Variants in DNAH7 observed in about 807,000 individuals in gnomAD.
DNAH7 encodes the protein dynein axonemal heavy chain 7, also known as axonemal beta dynein heavy chain 7.
In DNAH7, 397 loss-of-function variants were observed where a neutral mutation model predicts 444.6. That is an observed-to-expected ratio of 0.89 (90% CI 0.82 to 0.97). DNAH7 has a LOEUF of 0.97. Ranked by LOEUF, DNAH7 falls within the 50% of genes least tolerant of loss-of-function variation. The pLI, the probability that DNAH7 is intolerant of heterozygous loss-of-function variation, is 0.00. For missense variants in DNAH7, 4,902 were observed against 4,800.8 expected (o/e 1.02, Z -0.62); for synonymous variants, 1,636 against 1,624.4 (o/e 1.01, Z -0.17).
Position 195,794,384 on chromosome 2 carries a change from A to G in DNAH7, c.10670T>C (p.Met3557Thr), listed in dbSNP as rs775627787. Residue 3557 changes from methionine (M) to threonine (T), a missense_variant, in exon 57 of 65, where the codon ATG (methionine) becomes ACG (threonine). Met to Thr is a moderately conservative substitution (Grantham distance 81). Coordinates refer to ENST00000312428, the MANE Select transcript of DNAH7 (RefSeq NM_018897.3). ...GAACTCCGGATCAGAGATCGGGTCC[A>G]TGAGGTATGATCGAATGATATTAGC... ...LRANIIRSYLMDPISDPEFFG... is the reference protein window; with the variant it reads ...LRANIIRSYLTDPISDPEFFG... 3 of 1,614,148 alleles carry G rather than the reference A, an allele frequency of 1.9e-6. No homozygotes were observed. Among genetic ancestry groups the G allele is most frequent in the South Asian group, 1.1e-5 (1 of 91,078 alleles).
chr2:195,907,585 T>C (rs1455829785), intron 25 of DNAH7, among the ~76,000 whole-genome samples: 1 of 152,170 alleles, frequency 6.6e-6, no homozygotes, highest in South Asian at 2.1e-4. Flanking sequence ...AAATATGTAC[T>C]GAACATACAT....
chr2:196,012,403 C>G (rs906230238), intron 10 of DNAH7, among the ~76,000 whole-genome samples: 2 of 152,054 alleles, frequency 1.3e-5, no homozygotes, highest in African/African-American at 4.8e-5. Flanking sequence ...TCTTTAAACT[C>G]TTCTGCTTTC....
intron 15 of DNAH7, among the ~76,000 whole-genome samples, chr2:195,975,147 A>G (rs1173800176): frequency 1.3e-5 from 2 of 152,312 alleles, no homozygotes; most frequent in South Asian, 2.1e-4. Flanking sequence ...CCAAACATCA[A>G]GTGAATGATC....
chr2:195,926,285 A>T, intron 22 of DNAH7, 141 bp downstream of exon 22: 2 of 747,318 alleles, frequency 2.7e-6, no homozygotes, highest in Non-Finnish European at 3.7e-6. Flanking sequence ...ATTTTTATTT[A>T]AAAAATCTGT....
chr2:195,968,666 C>G (rs1391126128), intron 17 of DNAH7, among the ~76,000 whole-genome samples: 1 of 152,192 alleles, frequency 6.6e-6, no homozygotes, highest in Non-Finnish European at 1.5e-5. Flanking sequence ...AGTTCACCAG[C>G]TCTAAGCCCA....
intron 38 of DNAH7, among the ~76,000 whole-genome samples, chr2:195,874,580 G>A (rs1307523168): frequency 3.3e-5 from 5 of 149,906 alleles, no homozygotes; most frequent in East Asian, 2.0e-4. Flanking sequence ...TGAGACCCAG[G>A]AGCAATATGG....
Position 195,910,018 on chromosome 2 carries a change from A to C in DNAH7, c.4104+9T>G. The C allele has an allele frequency of 6.2e-7, 1 of 1,609,302 alleles. No individual in the cohort carries two copies. The highest frequency in any genetic ancestry group is 8.5e-7 in the Non-Finnish European group (1 of 1,177,230). On this transcript the variant is annotated intron_variant, in intron 25 of 64. Coordinates refer to ENST00000312428, the MANE Select transcript of DNAH7 (RefSeq NM_018897.3). ...TCCTGTTGTAAAGAAATGAGGAGTT[A>C]ATTCAAACCTTAAAGAATTTTCCCA...
intron 64 of DNAH7, among the ~76,000 whole-genome samples, chr2:195,738,953 A>G (rs1692821945): frequency 6.6e-6 from 1 of 152,176 alleles, no homozygotes; most frequent in South Asian, 2.1e-4. Context: ...TGTGGAATCC[A>G]GATTTTCATA....
chr2:195,856,125 A>T, intron 44 of DNAH7, 134 bp from the exon 45 acceptor site: 2 of 793,572 alleles, frequency 2.5e-6, no homozygotes, highest in Non-Finnish European at 3.7e-6. Flanking sequence ...ACCGATTTCC[A>T]TATTTCCTGT....
At chr2:195,898,681 C>T (rs533874455) in intron 28 of DNAH7, among the ~76,000 whole-genome samples, 1 of 152,288 alleles carries the variant, frequency 6.6e-6, no homozygotes, top group Admixed American at 6.5e-5. Context: ...ATGCTGCTGG[C>T]TGCACGCCCA....
chr2:195,874,597 A>AT (rs753912534), intron 38 of DNAH7, among the ~76,000 whole-genome samples: 7 of 140,436 alleles, frequency 5.0e-5, no homozygotes, highest in Admixed American at 2.8e-4. Flanking sequence ...ATGGTCTTTT[A>AT]TTTAAAAAAA....
At chr2:195,767,597 C>T (rs1261206706) in intron 61 of DNAH7, among the ~76,000 whole-genome samples, 1 of 151,800 alleles carries the variant, frequency 6.6e-6, no homozygotes, top group African/African-American at 2.4e-5. Flanking sequence ...CCAAATAATT[C>T]ACTTCTTTTC....
chr2:195,778,721 T>TATATATATACACATATATATACAC lies in DNAH7; in HGVS notation c.10879-737_10879-736insGTGTATATATATGTGTATATATAT, dbSNP rs1431618178. On this transcript the variant is annotated intron_variant, in intron 58 of 64. Coordinates refer to ENST00000312428, the MANE Select transcript of DNAH7 (RefSeq NM_018897.3). ...ATATATATACACATATATATACACA[T>TATATATATACACATATATATACAC]ATATATATACACATATATATATATA... Among the ~76,000 whole-genome samples, 23 of 42,756 alleles carry TATATATATACACATATATATACAC rather than the reference T, an allele frequency of 5.4e-4. 1 individual carries two copies. Among genetic ancestry groups the TATATATATACACATATATATACAC allele is most frequent in the African/African-American group, 1.1e-3 (19 of 17,194 alleles). 28.0% of individuals were successfully genotyped at this position (42,756 alleles called of 152,430 possible). A position where few individuals can be genotyped will look rare whatever the true frequency, so the allele number is the denominator to read the frequency against.
intron 19 of DNAH7, among the ~76,000 whole-genome samples, chr2:195,941,444 T>C (rs1386829614): frequency 1.0e-5 from 1 of 95,626 alleles, no homozygotes; most frequent in Non-Finnish European, 2.0e-5. Flanking sequence ...ACCTAGAACC[T>C]AGATGACAAA....
At chr2:195,824,980 GAAA>G (rs1697660336) in intron 48 of DNAH7, 1 of 152,144 alleles carries the variant, frequency 6.6e-6, no homozygotes, top group Non-Finnish European at 1.5e-5. Context: ...TAGATTGATA[GAAA>G]AATGACACAA....
At chr2:195,796,366 G>C (rs540038669) in intron 56 of DNAH7, among the ~76,000 whole-genome samples, 1 of 152,132 alleles carries the variant, frequency 6.6e-6, no homozygotes, top group Non-Finnish European at 1.5e-5. Context: ...CCTTGTCCCT[G>C]TTAAGAGGGA....
At chr2:196,068,261 C>A (rs1338172882) in intron 1 of DNAH7, 3 of 197,234 alleles carry the variant, frequency 1.5e-5, no homozygotes, top group Non-Finnish European at 3.1e-5. Context: ...ATGTTTCCCC[C>A]GCTCTGCATA....
Position 195,894,972 on chromosome 2 carries a change from T to C in DNAH7, c.4896+4A>G. ...ATAAATTAATGCATTAATAATATAC[T>C]TGCCTTTTCACATATATCATTTAGT... On this transcript the variant is annotated splice_donor_region_variant and intron_variant, in intron 30 of 64. Transcript: ENST00000312428. 6.3e-7 allele frequency: 1 copy of C among 1,597,768 alleles called. No homozygotes were observed. Among genetic ancestry groups the C allele is most frequent in the Non-Finnish European group, 8.5e-7 (1 of 1,170,426 alleles).
intron 47 of DNAH7, among the ~76,000 whole-genome samples, chr2:195,842,799 T>C (rs1315695190): frequency 6.6e-6 from 1 of 152,154 alleles, no homozygotes; most frequent in Non-Finnish European, 1.5e-5. Context: ...TCAACAGTTC[T>C]ATTATTTTTG....
Sources: gnomAD v4.1 joint callset for allele counts (sites outside exome capture counted in the v4.1 genomes callset) on GRCh38, gnomAD v4.1.1 for gene constraint, MANE v1.5 for transcripts, NCBI Gene and HGNC (gene_info 2026-07-23, HGNC 2026-07-21) for gene names.